CNTNAP2: variants seen among roughly 807,000 people sequenced by gnomAD.
CNTNAP2 encodes contactin-associated protein-like 2.
Under a neutral mutation model 155.2 loss-of-function variants are expected in CNTNAP2, and 98 were observed. That is an observed-to-expected ratio of 0.63 (90% CI 0.54 to 0.75). CNTNAP2 has a LOEUF of 0.75. Ranked by LOEUF, CNTNAP2 falls within the 30% of genes least tolerant of loss-of-function variation. CNTNAP2 has a pLI of 0.00. For missense variants in CNTNAP2, 1,727 were observed against 1,688.1 expected (o/e 1.02, Z -0.40); for synonymous variants, 651 against 631.2 (o/e 1.03, Z -0.47).
intron 3 of CNTNAP2, among the ~76,000 whole-genome samples, chr7:147,021,288 G>A (rs954667856): frequency 6.6e-6 from 1 of 152,096 alleles, no homozygotes; most frequent in Non-Finnish European, 1.5e-5. Context: ...GCCCAGGGAA[G>A]CCAAAAGATT....
intron 8 of CNTNAP2, among the ~76,000 whole-genome samples, chr7:147,182,894 T>G (rs1215404177): frequency 1.3e-5 from 2 of 152,146 alleles, no homozygotes; most frequent in African/African-American, 2.4e-5. Context: ...TTATTAGAAA[T>G]ACTTATATTA....
chr7:147,739,939 T>C (rs909755083), intron 13 of CNTNAP2, among the ~76,000 whole-genome samples: 3 of 152,312 alleles, frequency 2.0e-5, no homozygotes, highest in Admixed American at 1.3e-4. Flanking sequence ...TGACTCAATC[T>C]ACCACATTGC....
chr7:146,487,182 C>T (rs866734821), intron 1 of CNTNAP2, among the ~76,000 whole-genome samples: 5 of 152,030 alleles, frequency 3.3e-5, no homozygotes, highest in African/African-American at 1.2e-4. Context: ...ATAACAAAAA[C>T]GGATTATGAT....
chr7:148,141,430 G>A (rs1805070112), intron 16 of CNTNAP2, among the ~76,000 whole-genome samples: 1 of 152,260 alleles, frequency 6.6e-6, no homozygotes, highest in African/African-American at 2.4e-5. Context: ...AAAGATGCTT[G>A]TGGAATACAA....
intron 1 of CNTNAP2, among the ~76,000 whole-genome samples, chr7:146,493,958 A>T (rs1797175600): frequency 6.6e-6 from 1 of 152,208 alleles, no homozygotes; most frequent in Non-Finnish European, 1.5e-5. Flanking sequence ...CATATCTCAG[A>T]TGTCACCACT....
intron 13 of CNTNAP2, among the ~76,000 whole-genome samples, chr7:147,829,681 A>G (rs1363235869): frequency 6.6e-6 from 1 of 152,146 alleles, no homozygotes; most frequent in Non-Finnish European, 1.5e-5. Flanking sequence ...AATCATGAAC[A>G]CTCTACTACT....
In CNTNAP2 at chr7:147,532,102, C is replaced by T. The variant is rs546353590; in HGVS notation, c.1778-30036C>T. ...GATTACAGGCATGAGCCACCATGCC[C>T]GGCCAGGTTTTTCTTTTCTATCACA... On this transcript the variant is annotated intron_variant, in intron 11 of 23. Coordinates refer to ENST00000361727, the MANE Select transcript of CNTNAP2 (RefSeq NM_014141.6). 9.9e-5 allele frequency among the ~76,000 whole-genome samples: 15 copies of T among 152,266 alleles called. 1 individual carries two copies. Among genetic ancestry groups the T allele is most frequent in the South Asian group, 4.1e-4 (2 of 4,830 alleles).
intron 10 of CNTNAP2, among the ~76,000 whole-genome samples, chr7:147,411,539 C>T (rs548852663): frequency 2.5e-4 from 38 of 152,154 alleles, no homozygotes; most frequent in African/African-American, 7.7e-4. Context: ...GAAAGCGATC[C>T]GAGACCCAGA....
chr7:146,344,367 T>C (rs1199778281), intron 1 of CNTNAP2, among the ~76,000 whole-genome samples: 1 of 152,218 alleles, frequency 6.6e-6, no homozygotes, highest in Non-Finnish European at 1.5e-5. Flanking sequence ...AAAAACATAG[T>C]TGAAATACAA....
intron 1 of CNTNAP2, among the ~76,000 whole-genome samples, chr7:146,442,713 A>G (rs1205589180): frequency 6.6e-6 from 1 of 152,126 alleles, no homozygotes; most frequent in Non-Finnish European, 1.5e-5. Context: ...GTGGTATCGT[A>G]CTAGCCCTGC....
At chr7:147,021,788 T>A (rs1207700330) in intron 3 of CNTNAP2, among the ~76,000 whole-genome samples, 1 of 152,196 alleles carries the variant, frequency 6.6e-6, no homozygotes, top group Non-Finnish European at 1.5e-5. Context: ...ACCTTGTTTT[T>A]CTCCTAAGCT....
chr7:147,673,323 TATC>T (rs1274482552), intron 13 of CNTNAP2, among the ~76,000 whole-genome samples: 1 of 152,210 alleles, frequency 6.6e-6, no homozygotes, highest in Non-Finnish European at 1.5e-5. Context: ...TGTAACTGAT[TATC>T]ATTCATGTTC....
intron 1 of CNTNAP2, among the ~76,000 whole-genome samples, chr7:146,569,813 A>G (rs1798414337): frequency 6.6e-6 from 1 of 152,158 alleles, no homozygotes; most frequent in South Asian, 2.1e-4. Flanking sequence ...GTCACGTGCA[A>G]TTTTATCTAC....
chr7:147,970,359 T>G (rs942220288), intron 14 of CNTNAP2, among the ~76,000 whole-genome samples: 1 of 152,220 alleles, frequency 6.6e-6, no homozygotes, highest in African/African-American at 2.4e-5. Context: ...CCTTTTGACC[T>G]ACTTTTTCTA....
chr7:147,288,332 C>T (rs1257126386), intron 8 of CNTNAP2, among the ~76,000 whole-genome samples: 1 of 152,176 alleles, frequency 6.6e-6, no homozygotes, highest in Non-Finnish European at 1.5e-5. Flanking sequence ...GTCTTCTTTA[C>T]TCTTATACCC....
intron 11 of CNTNAP2, among the ~76,000 whole-genome samples, chr7:147,533,681 G>A (rs1799485103): frequency 6.6e-6 from 1 of 151,066 alleles, no homozygotes; most frequent in Non-Finnish European, 1.5e-5. Flanking sequence ...TGAGGCAAGA[G>A]GATCACTTGA....
chr7:148,336,400 A>G (rs10085444), intron 21 of CNTNAP2, among the ~76,000 whole-genome samples: 27,723 of 151,782 alleles, frequency 0.18, 2,619 homozygotes, highest in South Asian at 0.32. Context: ...TATGCTTCTC[A>G]GAGTCATCTT....
At chr7:147,923,092 G>A (rs1488637595) in intron 14 of CNTNAP2, among the ~76,000 whole-genome samples, 2 of 151,944 alleles carry the variant, frequency 1.3e-5, no homozygotes, top group Non-Finnish European at 2.9e-5. Flanking sequence ...CAAAAAGGAA[G>A]GAAGGAAGGG....
intron 13 of CNTNAP2, among the ~76,000 whole-genome samples, chr7:147,802,631 T>A (rs1309517881): frequency 6.6e-6 from 1 of 151,818 alleles, no homozygotes; most frequent in Non-Finnish European, 1.5e-5. Context: ...CGAAAACCAG[T>A]CAGGCGTGGC....
Sources: allele counts gnomAD v4.1 joint callset (sites outside exome capture counted in the v4.1 genomes callset), GRCh38; gene constraint gnomAD v4.1.1; transcripts MANE v1.5; gene names NCBI Gene and HGNC (gene_info 2026-07-23, HGNC 2026-07-21).